The following RIT2 variants were observed in gnomAD, a reference collection of about 807,000 sequenced individuals.
RIT2 encodes the protein Ras like without CAAX 2.
In RIT2, 24 loss-of-function variants were observed where a neutral mutation model predicts 23.7. The ratio of observed to expected loss-of-function variants is 1.01; its 90% confidence interval spans 0.73 to 1.43. RIT2 has a LOEUF of 1.43. RIT2 is among the 40% of genes most tolerant of loss of function. RIT2 has a pLI of 0.00. For missense variants in RIT2, 236 were observed against 266.9 expected, an observed-to-expected ratio of 0.88 and a Z score of 0.81; for synonymous variants, 107 against 91.1, an observed-to-expected ratio of 1.17 and a Z score of -0.99.
In RIT2 at chr18:42,916,819, CAG is replaced by C. The variant is rs151225875; in HGVS notation, c.426+6751_426+6752del. On this transcript the variant is annotated intron_variant, in intron 4 of 4. Coordinates refer to ENST00000326695, the MANE Select transcript of RIT2 (RefSeq NM_002930.4). Reference sequence around the variant, plus strand: ...TATTTTACAGACGTAGACACTGAGACAGAGTCTGAAGCGCAAGATGTTTATTA... The same window carrying C: ...TATTTTACAGACGTAGACACTGAGACAGTCTGAAGCGCAAGATGTTTATTA... Among the ~76,000 whole-genome samples, 35 of 152,186 alleles carry C rather than the reference CAG, an allele frequency of 2.3e-4. No individual in the cohort carries two copies. The East Asian group carries it at 6.8e-3, about 29-fold the overall frequency.
chr18:43,089,529 T>C (rs1435607410), intron 1 of RIT2, among the ~76,000 whole-genome samples: 1 of 150,368 alleles, frequency 6.7e-6, no homozygotes, highest in Non-Finnish European at 1.5e-5. Flanking sequence ...AAAACTATTA[T>C]AAAATTTACA....
At chr18:42,795,756 G>A (rs187760432) in intron 4 of RIT2, among the ~76,000 whole-genome samples, 8 of 152,300 alleles carry the variant, frequency 5.3e-5, no homozygotes, top group African/African-American at 1.9e-4. Flanking sequence ...ACACCAATCG[G>A]CACTCTGTAT....
At chr18:42,752,385 T>C (rs1054146179) in intron 4 of RIT2, among the ~76,000 whole-genome samples, 7 of 152,216 alleles carry the variant, frequency 4.6e-5, no homozygotes, top group Non-Finnish European at 1.0e-4. Flanking sequence ...CTTTATATAG[T>C]AACTCCTAAG....
intron 2 of RIT2, among the ~76,000 whole-genome samples, chr18:43,026,281 C>T (rs1911715026): frequency 6.6e-6 from 1 of 151,978 alleles, no homozygotes; most frequent in African/African-American, 2.4e-5. Flanking sequence ...GTTGGCCGGG[C>T]ACGGTGGCTC....
Position 43,081,324 on chromosome 18 carries a change from T to A in RIT2, c.103+34093A>T, listed in dbSNP as rs114729368. ...TGTAAGGAGCTAACATCATTTATTA[T>A]TTTTTAAGCTTCATAATAACTGTAA... On this transcript the variant is annotated intron_variant, in intron 1 of 4. Transcript: ENST00000326695. 4.4e-3 allele frequency among the ~76,000 whole-genome samples: 668 copies of A among 152,326 alleles called. 6 individuals carry two copies. Among genetic ancestry groups the A allele is most frequent in the African/African-American group, 0.014 (581 of 41,588 alleles).
At chr18:42,898,777 GACAA>G (rs1252917614) in intron 4 of RIT2, among the ~76,000 whole-genome samples, 9 of 152,082 alleles carry the variant, frequency 5.9e-5, no homozygotes, top group Non-Finnish European at 1.0e-4. Context: ...TATTATGACA[GACAA>G]ATTGTAAAAA....
At chr18:42,898,298 T>G (rs1288530916) in intron 4 of RIT2, among the ~76,000 whole-genome samples, 2 of 151,846 alleles carry the variant, frequency 1.3e-5, no homozygotes, top group Admixed American at 6.6e-5. Context: ...GGAAGCTGAG[T>G]CATGAGAATT....
In RIT2 at chr18:43,032,254, C is replaced by A. The variant is rs530084886; in HGVS notation, c.160+1557G>T. On this transcript the variant is annotated intron_variant, in intron 2 of 4. Coordinates refer to ENST00000326695, the MANE Select transcript of RIT2 (RefSeq NM_002930.4). The stretch of plus-strand genomic sequence containing the variant: ...AAAGGAGACATCATCATATACTTCT[C>A]ATTTCTCCTGTTTGAAGGAGTCATT... Among the ~76,000 whole-genome samples, 10 of 152,174 alleles carry A rather than the reference C, an allele frequency of 6.6e-5. No individual in the cohort carries two copies. In the East Asian group the frequency reaches 1.6e-3, roughly 24 times the overall value.
chr18:43,003,162 G>GT (rs940693368), intron 2 of RIT2, among the ~76,000 whole-genome samples: 5 of 151,920 alleles, frequency 3.3e-5, no homozygotes, highest in African/African-American at 1.2e-4. Context: ...CTCCAGAACT[G>GT]TATAACATTA....
At chr18:42,864,552 A>G (rs543828706) in intron 4 of RIT2, among the ~76,000 whole-genome samples, 1 of 152,058 alleles carries the variant, frequency 6.6e-6, no homozygotes, top group East Asian at 1.9e-4. Context: ...GGAATTGAAA[A>G]CTCTGTCTTC....
chr18:43,092,732 A>G (rs1179710693), intron 1 of RIT2, among the ~76,000 whole-genome samples: 1 of 152,044 alleles, frequency 6.6e-6, no homozygotes, highest in African/African-American at 2.4e-5. Context: ...CTCAATATCA[A>G]GTAAATGTTG....
At chr18:42,758,110 T>G (rs554998327) in intron 4 of RIT2, among the ~76,000 whole-genome samples, 3 of 152,166 alleles carry the variant, frequency 2.0e-5, no homozygotes, top group African/African-American at 7.2e-5. Flanking sequence ...AATATTCAAG[T>G]CTCAACTATT....
At chr18:42,895,290 A>G (rs556876643) in intron 4 of RIT2, among the ~76,000 whole-genome samples, 1 of 152,290 alleles carries the variant, frequency 6.6e-6, no homozygotes, top group Non-Finnish European at 1.5e-5. Flanking sequence ...GTCATTACCA[A>G]TTAAAGATTT....
At chr18:42,800,579 G>GGCGT (rs965008295) in intron 4 of RIT2, among the ~76,000 whole-genome samples, 4 of 146,132 alleles carry the variant, frequency 2.7e-5, no homozygotes, top group Non-Finnish European at 6.0e-5. Context: ...CTGGAGTGCT[G>GGCGT]GCGTGGAGTG....
chr18:42,773,599 T>A (rs1308867832), intron 4 of RIT2, among the ~76,000 whole-genome samples: 1 of 152,200 alleles, frequency 6.6e-6, no homozygotes, highest in Non-Finnish European at 1.5e-5. Flanking sequence ...GTGAGTAGTA[T>A]CTAATATAGT....
chr18:43,044,093 G>A (rs1045240795), intron 1 of RIT2, among the ~76,000 whole-genome samples: 1 of 152,128 alleles, frequency 6.6e-6, no homozygotes, highest in Non-Finnish European at 1.5e-5. Flanking sequence ...AAACAGGAGT[G>A]ATAGGATCTT....
At chr18:42,770,359 C>T (rs1913522850) in intron 4 of RIT2, among the ~76,000 whole-genome samples, 1 of 152,182 alleles carries the variant, frequency 6.6e-6, no homozygotes, top group Admixed American at 6.5e-5. Flanking sequence ...TGTGCCCCTC[C>T]ATAGACTACA....
chr18:43,060,398 A>T (rs1912616336), intron 1 of RIT2, among the ~76,000 whole-genome samples: 1 of 152,276 alleles, frequency 6.6e-6, no homozygotes, highest in Non-Finnish European at 1.5e-5. Flanking sequence ...CTTGATTCCA[A>T]GTTCCACAAT....
At chr18:42,766,266 T>G (rs1567991119) in intron 4 of RIT2, among the ~76,000 whole-genome samples, 1 of 152,184 alleles carries the variant, frequency 6.6e-6, no homozygotes, top group African/African-American at 2.4e-5. Flanking sequence ...TGAATGGCTT[T>G]GCCCAAAATG....
Sources: gnomAD v4.1 joint callset for allele counts (sites outside exome capture counted in the v4.1 genomes callset) on GRCh38, gnomAD v4.1.1 for gene constraint, MANE v1.5 for transcripts, NCBI Gene and HGNC (gene_info 2026-07-23, HGNC 2026-07-21) for gene names.